NFASC: variants seen among roughly 807,000 people sequenced by gnomAD.
The protein encoded by NFASC is neurofascin homolog.
In NFASC, 43 loss-of-function variants were observed where a neutral mutation model predicts 147.5. The ratio of observed to expected loss-of-function variants is 0.29; its 90% CI spans 0.23 to 0.38. NFASC has a LOEUF of 0.38. NFASC is among the 10% of genes least tolerant of loss of function. NFASC has a pLI of 1.00. For missense variants in NFASC, 1,320 were observed against 1,689.0 expected (o/e 0.78, Z 3.83); for synonymous variants, 622 against 665.5 (o/e 0.93, Z 1.01).
chr1:204,832,501 T>C (rs1186473864), intron 1 of NFASC, among the ~76,000 whole-genome samples: 1 of 151,994 alleles, frequency 6.6e-6, no homozygotes, highest in Non-Finnish European at 1.5e-5. Flanking sequence ...GAGGGCAAGT[T>C]GTTGGTAAGC....
Position 204,970,608 on chromosome 1 carries a change from T to C in NFASC, c.1004-8T>C. 6.2e-7 allele frequency: 1 copy of C among 1,613,704 alleles called. No homozygotes were observed. Among genetic ancestry groups the C allele is most frequent in the Non-Finnish European group, 8.5e-7 (1 of 1,180,022 alleles). ...AACTCCCCTGCCTGTGTCTGTCTTG[T>C]CTTCCAGCTGCTCCCTACTGGCTGG... On this transcript the variant is annotated splice_polypyrimidine_tract_variant and splice_region_variant and intron_variant, in intron 10 of 29. Transcript: ENST00000339876.
At chr1:204,845,185 T>A (rs1436774008) in intron 1 of NFASC, among the ~76,000 whole-genome samples, 4 of 151,924 alleles carry the variant, frequency 2.6e-5, no homozygotes, top group Non-Finnish European at 5.9e-5. Context: ...GAAAGGGAGC[T>A]GGAACTTAAA....
At chr1:204,874,830 C>T (rs2078436755) in intron 1 of NFASC, among the ~76,000 whole-genome samples, 1 of 152,158 alleles carries the variant, frequency 6.6e-6, no homozygotes, top group African/African-American at 2.4e-5. Flanking sequence ...TAACTTTCCA[C>T]TTTGCTGTAG....
intron 1 of NFASC, among the ~76,000 whole-genome samples, chr1:204,847,266 T>A (rs963292953): frequency 2.0e-5 from 3 of 152,204 alleles, no homozygotes; most frequent in African/African-American, 4.8e-5. Flanking sequence ...CAAAGCTTAC[T>A]ATGTGCTAGA....
At chr1:205,009,177 A>G in intron 27 of NFASC, 1 of 364,860 alleles carries the variant, frequency 2.7e-6, no homozygotes, top group South Asian at 2.3e-5. Context: ...GGACTCATCC[A>G]TGGGGAATCA....
At chr1:204,850,374 A>G (rs1332377279) in intron 1 of NFASC, among the ~76,000 whole-genome samples, 1 of 152,196 alleles carries the variant, frequency 6.6e-6, no homozygotes, top group Non-Finnish European at 1.5e-5. Flanking sequence ...GTGAGGAGCT[A>G]GAGGAGACAA....
rs751036151 is a variant in NFASC, at chr1:204,975,372, A to G, written c.1660A>G (p.Thr554Ala). The G allele has an allele frequency of 2.5e-6, 4 of 1,613,954 alleles. No homozygotes were observed. The highest frequency in any genetic ancestry group is 1.7e-5 in the Admixed American group (1 of 60,012). The stretch of plus-strand genomic sequence containing the variant: ...GAAGCACGACCCCTCCCTGAAACTC[A>G]CCGTCTCCTGGCTGAAGGATGACGA... ...RVKHDPSLKL[T>A]VSWLKDDEPL... Residue 554 changes from threonine (T) to alanine (A), a missense_variant, in exon 15 of 30, where the codon ACC (threonine) becomes GCC (alanine). Thr to Ala is a moderately conservative substitution (Grantham distance 58). This residue lies in a region of NFASC where 981 missense variants were observed against 1,289.5 expected (regional missense o/e 0.76). Coordinates refer to ENST00000339876, the MANE Select transcript of NFASC (RefSeq NM_001005388.3). The surrounding 1 kb of genome is among the most constrained non-coding windows in gnomAD (Gnocchi z 4.0).
At chr1:204,837,166 C>T (rs191584969) in intron 1 of NFASC, among the ~76,000 whole-genome samples, 1 of 152,348 alleles carries the variant, frequency 6.6e-6, no homozygotes, top group Non-Finnish European at 1.5e-5. Flanking sequence ...GTTTCTAAAG[C>T]ATGATCTAAA....
At chr1:204,880,988 G>A (rs922803903) in intron 1 of NFASC, among the ~76,000 whole-genome samples, 15 of 152,180 alleles carry the variant, frequency 9.9e-5, no homozygotes, top group African/African-American at 3.1e-4. Context: ...CAGAATAAGC[G>A]AAGAGTGTAG....
chr1:204,997,520 A>C, intron 25 of NFASC, 114 bp downstream of exon 25: 1 of 1,170,876 alleles, frequency 8.5e-7, no homozygotes, highest in South Asian at 1.3e-5. Flanking sequence ...GGTGTTTGCC[A>C]CCACCTCCCT....
chr1:204,909,252 G>A (rs924642035), intron 1 of NFASC, among the ~76,000 whole-genome samples: 3 of 152,196 alleles, frequency 2.0e-5, no homozygotes, highest in African/African-American at 7.2e-5. Flanking sequence ...CTTTGGTGTT[G>A]TCACAATTTT....
In NFASC at chr1:204,975,557, T is replaced by A; in HGVS notation, c.1706+139T>A. 1 of 1,203,942 alleles carries A rather than the reference T, an allele frequency of 8.3e-7. No homozygotes were observed. The highest frequency in any genetic ancestry group is 1.2e-6 in the Non-Finnish European group (1 of 845,782). 74.6% of individuals were successfully genotyped at this position (1,203,942 alleles called of 1,614,324 possible). ...CACCAAGGAGCTTCTGCAGAGGGGG[T>A]GATGGCCTGGGCAACTCCCCTGCTT... On this transcript the variant is annotated intron_variant, in intron 15 of 29. Coordinates refer to ENST00000339876, the MANE Select transcript of NFASC (RefSeq NM_001005388.3). The surrounding 1 kb of genome is among the most constrained non-coding windows in gnomAD (Gnocchi z 4.0).
chr1:205,022,113 A>AGTT lies in NFASC; in HGVS notation c.*5574_*5575insGTT. On this transcript the variant is annotated 3_prime_UTR_variant, in exon 30 of 30. Coordinates refer to ENST00000339876, the MANE Select transcript of NFASC (RefSeq NM_001005388.3). ...AAGACTTCAGTGAAGCAATAAACAC[A>AGTT]AAACTCTGGGAGAAGATATCCAGAA... 2.0e-5 allele frequency: 3 copies of AGTT among 152,656 alleles called. No individual in the cohort carries two copies. Among genetic ancestry groups the AGTT allele is most frequent in the Non-Finnish European group, 4.4e-5 (3 of 68,036 alleles). The allele number at this position is 152,656 out of a possible 1,614,324, so 9.5% of individuals were successfully genotyped here. A position where few individuals can be genotyped will look rare whatever the true frequency, so the allele number is the denominator to read the frequency against.
At chr1:204,984,331 A>ATATG (rs1553306455) in intron 21 of NFASC, 8 of 346,518 alleles carry the variant, frequency 2.3e-5, no homozygotes, top group South Asian at 1.8e-4. Flanking sequence ...TTATATATAT[A>ATATG]TGTGTGTGTG....
chr1:204,984,367 G>GTA, intron 21 of NFASC: 2 of 182,858 alleles, frequency 1.1e-5, no homozygotes, highest in African/African-American at 3.2e-5. Flanking sequence ...ATGTGTGTGT[G>GTA]TGTATATATA....
At chr1:204,879,259 A>C (rs1376701074) in intron 1 of NFASC, among the ~76,000 whole-genome samples, 3 of 152,258 alleles carry the variant, frequency 2.0e-5, no homozygotes, top group Admixed American at 2.0e-4. Flanking sequence ...GGACAAAAAA[A>C]TAATAGTGAA....
At chr1:204,857,756 C>A (rs6665712) in intron 1 of NFASC, among the ~76,000 whole-genome samples, 28,753 of 151,832 alleles carry the variant, frequency 0.19, 4,245 homozygotes, top group East Asian at 0.52. Flanking sequence ...ACAGAAACTT[C>A]TTTCCCCACA....
rs367793708 is a variant in NFASC at position 204,863,804 on chromosome 1, C to T, written c.-200+35022C>T. On this transcript the variant is annotated intron_variant, in intron 1 of 29. Transcript: ENST00000339876. ...CAGAGGTTGCAGTGAGCCAAGATCG[C>T]GCCACTTTACTCCAGCCTAGGTGAA... is the stretch of plus-strand genomic sequence containing the variant. 4.7e-4 allele frequency among the ~76,000 whole-genome samples: 69 copies of T among 146,064 alleles called. 1 individual carries two copies. The South Asian group carries it at 0.01, about 21-fold the overall frequency.
chr1:204,866,407 T>A (rs930191524), intron 1 of NFASC, among the ~76,000 whole-genome samples: 1 of 152,148 alleles, frequency 6.6e-6, no homozygotes, highest in Non-Finnish European at 1.5e-5. Context: ...GCCGAGCCCT[T>A]GAGAGGTCAG....
Sources: gnomAD v4.1 joint callset for allele counts (sites outside exome capture counted in the v4.1 genomes callset) on GRCh38, gnomAD v4.1.1 for gene constraint, gnomAD v4.1.1 regional missense constraint, Gnocchi (gnomAD v3.1) non-coding constraint, MANE v1.5 for transcripts, NCBI Gene and HGNC (gene_info 2026-07-23, HGNC 2026-07-21) for gene names.